Variants in RUNDC3B observed in about 807,000 individuals in gnomAD.
The protein encoded by RUNDC3B is RUN domain-containing protein 3B.
A neutral mutation model predicts 58.4 loss-of-function variants in RUNDC3B; 33 were observed. That is an observed-to-expected ratio of 0.56 (90% CI 0.43 to 0.75). The LOEUF (loss-of-function observed/expected upper bound fraction) is 0.75. Ranked by LOEUF, RUNDC3B falls within the 30% of genes least tolerant of loss-of-function variation. The pLI is 0.00. For synonymous variants in RUNDC3B, 193 were observed against 195.2 expected, an observed-to-expected ratio of 0.99 and a Z score of 0.10; for missense variants, 501 against 535.7, an observed-to-expected ratio of 0.94 and a Z score of 0.64.
intron 9 of RUNDC3B, among the ~76,000 whole-genome samples, chr7:87,813,202 A>C (rs1375871049): frequency 2.0e-5 from 3 of 152,208 alleles, no homozygotes; most frequent in African/African-American, 7.2e-5. Flanking sequence ...AAACTCAGTA[A>C]TTGTTCACTA....
chr7:87,648,980 G>A (rs540472896), intron 1 of RUNDC3B, among the ~76,000 whole-genome samples: 133 of 151,102 alleles, frequency 8.8e-4, no homozygotes, highest in African/African-American at 3.1e-3. Context: ...TTTTCTGTCC[G>A]GATTGAATAG....
intron 8 of RUNDC3B, among the ~76,000 whole-genome samples, chr7:87,802,834 G>A (rs976345432): frequency 6.6e-6 from 1 of 151,996 alleles, no homozygotes; most frequent in Non-Finnish European, 1.5e-5. Context: ...GGGAGACCCC[G>A]CCTCAGCAAA....
chr7:87,634,051 C>G (rs1172793580), intron 1 of RUNDC3B, among the ~76,000 whole-genome samples: 2 of 152,048 alleles, frequency 1.3e-5, no homozygotes, highest in East Asian at 3.9e-4. Flanking sequence ...GAAGAGAGAC[C>G]AAACCCAAAG....
chr7:87,657,382 G>C (rs371351065), intron 2 of RUNDC3B, among the ~76,000 whole-genome samples: 1 of 152,078 alleles, frequency 6.6e-6, no homozygotes, highest in Non-Finnish European at 1.5e-5. Flanking sequence ...CTTTTCAGCC[G>C]TATCTGCTCT....
chr7:87,633,674 T>A (rs1821450699), intron 1 of RUNDC3B, among the ~76,000 whole-genome samples: 1 of 152,188 alleles, frequency 6.6e-6, no homozygotes, highest in Non-Finnish European at 1.5e-5. Flanking sequence ...TTTAATTTTT[T>A]TTTTTTTAAA....
intron 3 of RUNDC3B, among the ~76,000 whole-genome samples, chr7:87,708,188 A>T (rs1400531888): frequency 6.6e-6 from 1 of 152,152 alleles, no homozygotes; most frequent in Non-Finnish European, 1.5e-5. Context: ...ATATATAAGA[A>T]AATCAACCAA....
chr7:87,742,555 G>C (rs758023518), intron 6 of RUNDC3B, among the ~76,000 whole-genome samples: 1 of 151,064 alleles, frequency 6.6e-6, no homozygotes, highest in Non-Finnish European at 1.5e-5. Context: ...TTATGGCTGC[G>C]TAGTATTCCA....
rs1051958316 is a variant in RUNDC3B at position 87,700,562 on chromosome 7, A to G, written c.372+8A>G. ...AGTTCTTCTAGAGCTAAGGTAAGAC[A>G]TTGGTCAGAGACTCGTTTCTATTTT... On this transcript the variant is annotated splice_region_variant and intron_variant, in intron 3 of 10. Coordinates refer to ENST00000394654, the MANE Select transcript of RUNDC3B (RefSeq NM_001134405.2). 2 of 1,602,904 alleles carry G rather than the reference A, an allele frequency of 1.2e-6. No homozygotes were observed. Among genetic ancestry groups the G allele is most frequent in the Admixed American group, 1.7e-5 (1 of 58,468 alleles).
At chr7:87,721,183 G>C (rs1008938464) in intron 4 of RUNDC3B, among the ~76,000 whole-genome samples, 6 of 151,088 alleles carry the variant, frequency 4.0e-5, no homozygotes, top group Non-Finnish European at 4.4e-5. Flanking sequence ...GCTATTTTTA[G>C]GTAAAATAAA....
Position 87,739,798 on chromosome 7 carries a change from T to G in RUNDC3B, c.466T>G (p.Tyr156Asp). 8 of 1,547,362 alleles carry G rather than the reference T, an allele frequency of 5.2e-6. No homozygotes were observed. Among genetic ancestry groups the G allele is most frequent in the Non-Finnish European group, 7.1e-6 (8 of 1,125,726 alleles). Residue 156 changes from tyrosine to aspartate, a missense_variant, in exon 5 of 11, where the codon TAT becomes GAT. Physicochemically the swap from Tyr to Asp is radical, Grantham distance 160. Coordinates refer to ENST00000394654, the MANE Select transcript of RUNDC3B (RefSeq NM_001134405.2). The part of the protein sequence containing the change: ...LRDFKTTRRF[Y>D]EDGAIVLGEE... Reference sequence around the variant, plus strand: ...ACCCATTTCATTTTTTAGGAGATTTTATGAAGATGGAGCAATTGTCTTGGG... The same window carrying G: ...ACCCATTTCATTTTTTAGGAGATTTGATGAAGATGGAGCAATTGTCTTGGG...
At chr7:87,808,870 T>A (rs1836568997) in intron 9 of RUNDC3B, among the ~76,000 whole-genome samples, 1 of 152,150 alleles carries the variant, frequency 6.6e-6, no homozygotes, top group African/African-American at 2.4e-5. Flanking sequence ...ACTTACCTTA[T>A]CTATATATGA....
rs145322173 is a variant in RUNDC3B, at chr7:87,795,413, C to A, written c.957-11960C>A. ...CACTGATCATCAGAGAAATGCAGAT[C>A]AAAATTACAATGAGATATCATCTCA... On this transcript the variant is annotated intron_variant, in intron 8 of 10. Coordinates refer to ENST00000394654, the MANE Select transcript of RUNDC3B (RefSeq NM_001134405.2). Among the ~76,000 whole-genome samples, 462 of 152,210 alleles carry A rather than the reference C, an allele frequency of 3.0e-3. 3 individuals carry two copies. The highest frequency in any genetic ancestry group is 0.01 in the African/African-American group (433 of 41,532).
intron 2 of RUNDC3B, among the ~76,000 whole-genome samples, chr7:87,694,923 C>A (rs928410307): frequency 1.3e-5 from 2 of 152,106 alleles, no homozygotes; most frequent in Admixed American, 6.5e-5. Context: ...TAGACACATA[C>A]TTTAGATATT....
At chr7:87,798,272 G>T (rs1446910200) in intron 8 of RUNDC3B, among the ~76,000 whole-genome samples, 2 of 152,080 alleles carry the variant, frequency 1.3e-5, no homozygotes, top group Non-Finnish European at 2.9e-5. Context: ...TATTAGGATT[G>T]TTATTGTTTT....
At chr7:87,736,871 ATATATATATATATATATATTTTTTTT>A (rs1371937100) in intron 4 of RUNDC3B, among the ~76,000 whole-genome samples, 8 of 37,952 alleles carry the variant, frequency 2.1e-4, no homozygotes, top group African/African-American at 6.8e-4. Flanking sequence ...ATATATATAT[ATATATATATATATATATATTTTTTTT>A]TTTTTTTTTT....
chr7:87,751,819 A>G (rs1833011211), intron 6 of RUNDC3B, among the ~76,000 whole-genome samples: 1 of 152,160 alleles, frequency 6.6e-6, no homozygotes, highest in African/African-American at 2.4e-5. Flanking sequence ...GTCATCTGCA[A>G]ACAGGGACAA....
chr7:87,818,411 C>CA (rs1313872537), intron 10 of RUNDC3B, among the ~76,000 whole-genome samples: 2 of 152,008 alleles, frequency 1.3e-5, no homozygotes, highest in Non-Finnish European at 2.9e-5. Flanking sequence ...TAATAGACTA[C>CA]AAAAAACTGG....
chr7:87,714,746 A>G (rs1429109907), intron 4 of RUNDC3B, among the ~76,000 whole-genome samples: 1 of 151,988 alleles, frequency 6.6e-6, no homozygotes, highest in Non-Finnish European at 1.5e-5. Flanking sequence ...TTATAGCCCT[A>G]TCTTATCCAT....
chr7:87,650,758 T>A, intron 1 of RUNDC3B, 64 bp from the exon 2 acceptor site: 1 of 996,244 alleles, frequency 1.0e-6, no homozygotes. Context: ...CTTCCTCCCA[T>A]TTTTTTCATA....
Sources: allele counts gnomAD v4.1 joint callset (sites outside exome capture counted in the v4.1 genomes callset), GRCh38; gene constraint gnomAD v4.1.1; transcripts MANE v1.5; gene names NCBI Gene and HGNC (gene_info 2026-07-23, HGNC 2026-07-21).